Variants in THRB observed in about 807,000 individuals in gnomAD.
THRB encodes nuclear receptor subfamily 1 group A member 2.
A neutral mutation model predicts 47.8 loss-of-function variants in THRB; 12 were observed. The ratio of observed to expected loss-of-function variants is 0.25; its 90% CI spans 0.16 to 0.41. The LOEUF (loss-of-function observed/expected upper bound fraction) is 0.41, where lower values mean the gene tolerates loss of function less well. Among genes scored for constraint, THRB ranks in the 10% least tolerant of loss-of-function variants. The probability of loss-of-function intolerance (pLI) is 1.00; values close to 1 mark genes in which losing one functional copy is unlikely to be tolerated. For synonymous variants in THRB, 218 were observed against 212.2 expected (o/e 1.03, Z -0.24); for missense variants, 348 against 589.2 (o/e 0.59, Z 4.24).
At chr3:24,310,317 A>G (rs1190861922) in intron 2 of THRB, among the ~76,000 whole-genome samples, 1 of 152,232 alleles carries the variant, frequency 6.6e-6, no homozygotes, top group African/African-American at 2.4e-5. Flanking sequence ...CTTTTTAAAA[A>G]TAAAATGATG....
At chr3:24,291,469 G>A (rs537509272) in intron 3 of THRB, among the ~76,000 whole-genome samples, 1 of 148,642 alleles carries the variant, frequency 6.7e-6, no homozygotes, top group Non-Finnish European at 1.5e-5. Context: ...CACCAGAGAT[G>A]CTCAAGTCCC....
intron 1 of THRB, among the ~76,000 whole-genome samples, chr3:24,391,248 A>G (rs537464503): frequency 1.3e-5 from 2 of 151,842 alleles, no homozygotes; most frequent in Non-Finnish European, 3.0e-5. Flanking sequence ...GTGGTAAAAT[A>G]TGGTCAAAAG....
intron 1 of THRB, among the ~76,000 whole-genome samples, chr3:24,359,377 A>T (rs1293748219): frequency 6.6e-6 from 1 of 152,118 alleles, no homozygotes; most frequent in Non-Finnish European, 1.5e-5. Flanking sequence ...TGAGGCTCCA[A>T]AAGCAGGTGT....
intron 3 of THRB, among the ~76,000 whole-genome samples, chr3:24,233,615 G>GAAAAATAA (rs1553658450): frequency 9.8e-6 from 1 of 101,910 alleles, no homozygotes; most frequent in Non-Finnish European, 2.3e-5. Flanking sequence ...AAGAAAGAAA[G>GAAAAATAA]AGAAAGAGCC....
At chr3:24,473,229 C>A (rs35922792) in intron 1 of THRB, among the ~76,000 whole-genome samples, 44,153 of 152,046 alleles carry the variant, frequency 0.29, 6,467 homozygotes, top group East Asian at 0.36. Flanking sequence ...AAGTTTCAAC[C>A]ATTTTGGCAT....
chr3:24,183,264 C>G (rs1205142771), intron 5 of THRB, among the ~76,000 whole-genome samples: 3 of 151,768 alleles, frequency 2.0e-5, no homozygotes, highest in African/African-American at 7.3e-5. Flanking sequence ...ATTCTAAGAA[C>G]AGTTATCATT....
rs551824675 is a variant in THRB, at chr3:24,170,580, G to A, written c.284-18090C>T. ...TGCTTCCTTGACATAAACCAAAATAGCATCCTTATTATTCCTTGAGCACTC... is the reference window on the plus strand; with the variant it reads ...TGCTTCCTTGACATAAACCAAAATAACATCCTTATTATTCCTTGAGCACTC... On this transcript the variant is annotated intron_variant, in intron 5 of 10. Transcript: ENST00000646209. 2.0e-5 allele frequency among the ~76,000 whole-genome samples: 3 copies of A among 152,210 alleles called. No individual in the cohort carries two copies. The South Asian group carries it at 6.2e-4, about 32-fold the overall frequency.
In THRB at chr3:24,241,833, G is replaced by T. The variant is rs559093148; in HGVS notation, c.-42-12832C>A. Among the ~76,000 whole-genome samples, 83 of 152,226 alleles carry T rather than the reference G, an allele frequency of 5.5e-4. 1 individual carries two copies. Among genetic ancestry groups the T allele is most frequent in the African/African-American group, 2.0e-3 (82 of 41,540 alleles). ...CCAGACCTAATGAGTTATAAACTCTGAAGGTGGGGTTCGGGTCCTATGTTT... is the reference window on the plus strand; with the variant it reads ...CCAGACCTAATGAGTTATAAACTCTTAAGGTGGGGTTCGGGTCCTATGTTT... On this transcript the variant is annotated intron_variant, in intron 3 of 10. Transcript: ENST00000646209.
At chr3:24,269,397 GCGCGCGCACACACACACACACACA>G (rs2053047533) in intron 3 of THRB, among the ~76,000 whole-genome samples, 1 of 113,790 alleles carries the variant, frequency 8.8e-6, no homozygotes, top group Non-Finnish European at 1.7e-5. Flanking sequence ...ACGCGCGCGC[GCGCGCGCACACACACACACACACA>G]CACACACACA....
chr3:24,454,898 G>T (rs2073020661), intron 1 of THRB, among the ~76,000 whole-genome samples: 1 of 152,044 alleles, frequency 6.6e-6, no homozygotes, highest in Non-Finnish European at 1.5e-5. Flanking sequence ...GAGCTTTCCA[G>T]ATCAAAGCTT....
chr3:24,145,643 A>G (rs2035986589), intron 7 of THRB, among the ~76,000 whole-genome samples: 1 of 152,128 alleles, frequency 6.6e-6, no homozygotes, highest in East Asian at 1.9e-4. Context: ...CTCTAACATA[A>G]CCCTCTTCCT....
chr3:24,270,185 G>A lies in THRB; in HGVS notation c.-43+27041C>T, dbSNP rs151092042. On this transcript the variant is annotated intron_variant, in intron 3 of 10. Transcript: ENST00000646209. The stretch of plus-strand genomic sequence containing the variant: ...ATTGCATCTTTCTTTTTAATAATTG[G>A]TCTTGCTTCACATCTTTGAAAAGCA... Among the ~76,000 whole-genome samples, 25 of 152,190 alleles carry A rather than the reference G, an allele frequency of 1.6e-4. 1 individual carries two copies. The highest frequency in any genetic ancestry group is 5.8e-4 in the African/African-American group (24 of 41,518).
At chr3:24,381,079 C>A (rs892420539) in intron 1 of THRB, among the ~76,000 whole-genome samples, 22 of 142,228 alleles carry the variant, frequency 1.5e-4, no homozygotes, top group African/African-American at 4.7e-4. Context: ...CACGTCACTG[C>A]ATTCCAGCCT....
At chr3:24,348,734 G>A (rs140948463) in intron 1 of THRB, 20 of 152,224 alleles carry the variant, frequency 1.3e-4, no homozygotes, top group Non-Finnish European at 2.2e-4. Flanking sequence ...AACACACTGG[G>A]ATTGGAAGAA....
intron 2 of THRB, among the ~76,000 whole-genome samples, chr3:24,328,927 C>A (rs1208680685): frequency 6.6e-6 from 1 of 152,092 alleles, no homozygotes; most frequent in Non-Finnish European, 1.5e-5. Context: ...CTTTCCTGTC[C>A]TGCCAGCATG....
chr3:24,142,280 G>A (rs1377896238), intron 8 of THRB, among the ~76,000 whole-genome samples: 1 of 152,194 alleles, frequency 6.6e-6, no homozygotes, highest in Non-Finnish European at 1.5e-5. Flanking sequence ...AAAGCACTTA[G>A]AATAGTACCT....
intron 8 of THRB, among the ~76,000 whole-genome samples, chr3:24,135,105 C>T (rs1457704003): frequency 1.3e-5 from 2 of 152,208 alleles, no homozygotes; most frequent in Non-Finnish European, 2.9e-5. Context: ...GATGAAGCTG[C>T]TCTGGGCCCA....
At chr3:24,253,076 GGAAA>G (rs2050828656) in intron 3 of THRB, among the ~76,000 whole-genome samples, 1 of 152,036 alleles carries the variant, frequency 6.6e-6, no homozygotes, top group Non-Finnish European at 1.5e-5. Flanking sequence ...TAAAGGTGGG[GGAAA>G]GAAAGAAAGG....
intron 2 of THRB, among the ~76,000 whole-genome samples, chr3:24,315,526 C>G (rs1164329376): frequency 6.6e-6 from 1 of 152,186 alleles, no homozygotes; most frequent in African/African-American, 2.4e-5. Flanking sequence ...GCTCACTACT[C>G]CAGGCTGCTC....
Sources: gnomAD v4.1 joint callset for allele counts (sites outside exome capture counted in the v4.1 genomes callset) on GRCh38, gnomAD v4.1.1 for gene constraint, MANE v1.5 for transcripts, NCBI Gene and HGNC (gene_info 2026-07-23, HGNC 2026-07-21) for gene names.